SLC22A15: variants seen among roughly 807,000 people sequenced by gnomAD.
SLC22A15 encodes flipt 1.
In SLC22A15, 45 loss-of-function variants were observed where a neutral mutation model predicts 62.7. That is an observed-to-expected ratio of 0.72 (90% CI 0.56 to 0.92). SLC22A15 has a LOEUF of 0.92. Among genes scored for constraint, SLC22A15 ranks in the 40% least tolerant of loss-of-function variants. SLC22A15 has a pLI of 0.00. For synonymous variants in SLC22A15, 264 were observed against 267.0 expected, an observed-to-expected ratio of 0.99 and a Z score of 0.11; for missense variants, 622 against 665.6, an observed-to-expected ratio of 0.93 and a Z score of 0.72.
chr1:116,009,158 C>T (rs1656124592), intron 2 of SLC22A15, among the ~76,000 whole-genome samples: 1 of 152,150 alleles, frequency 6.6e-6, no homozygotes, highest in Non-Finnish European at 1.5e-5. Flanking sequence ...TGACAACATT[C>T]ACTATGTCTC....
At chr1:116,030,502 G>A (rs1337158268) in intron 5 of SLC22A15, among the ~76,000 whole-genome samples, 1 of 152,054 alleles carries the variant, frequency 6.6e-6, no homozygotes, top group East Asian at 1.9e-4. Flanking sequence ...CCATATTCCT[G>A]CCTTGGTTTT....
chr1:116,031,333 T>A, intron 5 of SLC22A15, 33 bp from the exon 6 acceptor site: 1 of 1,538,408 alleles, frequency 6.5e-7, no homozygotes, highest in South Asian at 1.1e-5. Flanking sequence ...TGTACCTATA[T>A]GAATATACAG....
chr1:116,011,785 G>A (rs1656271152), intron 2 of SLC22A15, among the ~76,000 whole-genome samples: 1 of 152,136 alleles, frequency 6.6e-6, no homozygotes, highest in Non-Finnish European at 1.5e-5. Context: ...AGGAGGTGGG[G>A]ATGCAAGTGG....
chr1:116,042,349 CAT>C (rs1187947153), intron 8 of SLC22A15, among the ~76,000 whole-genome samples: 2 of 151,338 alleles, frequency 1.3e-5, no homozygotes, highest in African/African-American at 4.9e-5. Flanking sequence ...AGAGATGAAA[CAT>C]ATAATATATG....
At chr1:115,977,607 G>C (rs1654379393) in intron 1 of SLC22A15, among the ~76,000 whole-genome samples, 1 of 152,228 alleles carries the variant, frequency 6.6e-6, no homozygotes, top group Admixed American at 6.5e-5. Context: ...CAGTCATCAG[G>C]TTTAATACGG....
intron 1 of SLC22A15, among the ~76,000 whole-genome samples, chr1:115,986,984 T>C (rs1000382069): frequency 2.6e-5 from 4 of 152,102 alleles, no homozygotes; most frequent in Admixed American, 1.3e-4. Context: ...GAATAAGTCA[T>C]GTTAGGGGAA....
chr1:116,049,753 A>T (rs555269669), intron 8 of SLC22A15, among the ~76,000 whole-genome samples: 24 of 152,338 alleles, frequency 1.6e-4, no homozygotes, highest in Middle Eastern at 3.4e-3. Flanking sequence ...CCAAGATCAG[A>T]GCAGAACTAA....
At chr1:116,044,356 T>A (rs756285648) in intron 8 of SLC22A15, among the ~76,000 whole-genome samples, 1 of 152,208 alleles carries the variant, frequency 6.6e-6, no homozygotes, top group Admixed American at 6.5e-5. Flanking sequence ...TCCTAGCACT[T>A]TGGGAGGCCG....
intron 1 of SLC22A15, among the ~76,000 whole-genome samples, chr1:115,982,754 T>C (rs1466163543): frequency 6.6e-6 from 1 of 152,240 alleles, no homozygotes; most frequent in Non-Finnish European, 1.5e-5. Flanking sequence ...CCCAACTTCA[T>C]GGATAAAATA....
chr1:116,059,321 C>T (rs145670877), intron 8 of SLC22A15, among the ~76,000 whole-genome samples: 1 of 150,338 alleles, frequency 6.7e-6, no homozygotes, highest in African/African-American at 2.5e-5. Context: ...CAGCTTTACT[C>T]ATGAGAAGTG....
intron 1 of SLC22A15, among the ~76,000 whole-genome samples, chr1:115,977,348 G>A (rs1654364169): frequency 6.6e-6 from 1 of 152,208 alleles, no homozygotes; most frequent in African/African-American, 2.4e-5. Context: ...TCTACCATGT[G>A]TGGTTATCAA....
At chr1:116,026,753 T>C in intron 4 of SLC22A15, 140 bp from the exon 5 acceptor site, 1 of 899,978 alleles carries the variant, frequency 1.1e-6, no homozygotes, top group Non-Finnish European at 1.6e-6. Flanking sequence ...AGATTTTTTT[T>C]TCTTTTCTGG....
At chr1:116,056,797 A>C (rs542442732) in intron 8 of SLC22A15, among the ~76,000 whole-genome samples, 103 of 152,262 alleles carry the variant, frequency 6.8e-4, no homozygotes, top group East Asian at 5.4e-3. Context: ...GAAAAACAAG[A>C]CATGGGGAAA....
intron 1 of SLC22A15, among the ~76,000 whole-genome samples, chr1:115,987,415 C>T (rs958763519): frequency 2.0e-5 from 3 of 152,080 alleles, no homozygotes; most frequent in Non-Finnish European, 4.4e-5. Context: ...CTGCCTGCCT[C>T]GGCCTCCCAA....
Position 115,992,069 on chromosome 1 carries a change from T to G in SLC22A15, c.126T>G (p.Val42=). ...CGGAGGCCATCCTCATTGCACTGGT[T>G]GGGGCCACGCCATCCTACCACTGGG... ...VATEAILIAL[V]GATPSYHWDL... is the part of the protein sequence containing the mutation. Residue 42 remains valine (V), a synonymous_variant, in exon 2 of 12, where the codon GTT becomes GTG. Transcript: ENST00000369503. 1.2e-6 allele frequency: 2 copies of G among 1,613,914 alleles called. No homozygotes were observed. The highest frequency in any genetic ancestry group is 1.7e-6 in the Non-Finnish European group (2 of 1,179,894).
At chr1:116,059,924 G>A (rs1557909540) in intron 8 of SLC22A15, among the ~76,000 whole-genome samples, 2 of 152,174 alleles carry the variant, frequency 1.3e-5, no homozygotes, top group African/African-American at 2.4e-5. Context: ...TGGAATAAAT[G>A]TATAACCTCC....
intron 2 of SLC22A15, among the ~76,000 whole-genome samples, chr1:116,003,976 G>GAT (rs1655856193): frequency 3.3e-5 from 5 of 152,198 alleles, no homozygotes; most frequent in Admixed American, 3.3e-4. Context: ...AGGCCTCCCA[G>GAT]ATATTATCAA....
At chr1:115,997,787 T>C (rs982122405) in intron 2 of SLC22A15, among the ~76,000 whole-genome samples, 5 of 152,176 alleles carry the variant, frequency 3.3e-5, no homozygotes, top group Admixed American at 6.5e-5. Context: ...TCTTTATTTC[T>C]TTCTCTTGTC....
At chr1:116,039,238 T>G (rs966768659) in intron 8 of SLC22A15, among the ~76,000 whole-genome samples, 2 of 152,212 alleles carry the variant, frequency 1.3e-5, no homozygotes, top group Non-Finnish European at 2.9e-5. Flanking sequence ...ATTGTCTATT[T>G]TTAACGATTT....
Sources: allele counts gnomAD v4.1 joint callset (sites outside exome capture counted in the v4.1 genomes callset), GRCh38; gene constraint gnomAD v4.1.1; transcripts MANE v1.5; gene names NCBI Gene and HGNC (gene_info 2026-07-23, HGNC 2026-07-21).